Variants in MGRN1 observed in about 807,000 individuals in gnomAD.
The protein encoded by MGRN1 is E3 ubiquitin-protein ligase MGRN1.
In MGRN1, 29 loss-of-function variants were observed where a neutral mutation model predicts 69.2. The observed-to-expected ratio is 0.42, with a 90% CI of 0.31 to 0.57. The LOEUF (loss-of-function observed/expected upper bound fraction) is 0.57, where lower values mean the gene tolerates loss of function less well. Among genes scored for constraint, MGRN1 ranks in the 20% least tolerant of loss-of-function variants. The probability of loss-of-function intolerance (pLI) is 0.15; values close to 1 mark genes in which losing one functional copy is unlikely to be tolerated. For synonymous variants in MGRN1, 470 were observed against 344.2 expected, an observed-to-expected ratio of 1.37 and a Z score of -4.04; for missense variants, 998 against 796.2, an observed-to-expected ratio of 1.25 and a Z score of -3.05.
At chr16:4,658,559 C>T (rs895974759) in intron 5 of MGRN1, among the ~76,000 whole-genome samples, 4 of 151,256 alleles carry the variant, frequency 2.6e-5, no homozygotes, top group South Asian at 2.1e-4. Context: ...ACAATGTAGA[C>T]CTTGTGGGTC....
chr16:4,677,836 CTTTTTT>C (rs747139466), intron 11 of MGRN1, among the ~76,000 whole-genome samples: 113 of 111,972 alleles, frequency 1.0e-3, no homozygotes, highest in African/African-American at 3.8e-3. Context: ...GAGCCAGGTG[CTTTTTT>C]TTTTTTTTTT....
At chr16:4,639,258 GT>G (rs2078104780) in intron 1 of MGRN1, among the ~76,000 whole-genome samples, 1 of 152,192 alleles carries the variant, frequency 6.6e-6, no homozygotes, top group African/African-American at 2.4e-5. Flanking sequence ...TAAAGCAGCA[GT>G]GACACTATGA....
rs778456488 is a variant in MGRN1 at position 4,624,926 on chromosome 16, G to C, written c.-35G>C. ...CCGCCGCTGTCGCCGCTCCCGTTCCGGCCCTGGCCCCTCTGCCCGGCAGCG... is the reference window on the plus strand; with the variant it reads ...CCGCCGCTGTCGCCGCTCCCGTTCCCGCCCTGGCCCCTCTGCCCGGCAGCG... On this transcript the variant is annotated 5_prime_UTR_variant, in exon 1 of 17. Coordinates refer to ENST00000262370, the MANE Select transcript of MGRN1 (RefSeq NM_015246.4). 2.9e-5 allele frequency: 44 copies of C among 1,500,288 alleles called. No homozygotes were observed. The highest frequency in any genetic ancestry group is 3.6e-6 in the Non-Finnish European group (4 of 1,123,646). 92.9% of individuals were successfully genotyped at this position (1,500,288 alleles called of 1,614,324 possible).
Position 4,689,048 on chromosome 16 carries a change from G to C in MGRN1, c.*140G>C, listed in dbSNP as rs928373778. On this transcript the variant is annotated 3_prime_UTR_variant, in exon 17 of 17. Transcript: ENST00000262370. ...GCTCCGAGGGGCCGTGGTGACTCTT[G>C]ATCAAAGAGCACAGTGAACTGTCCC... 48 of 1,168,630 alleles carry C rather than the reference G, an allele frequency of 4.1e-5. No homozygotes were observed. Among genetic ancestry groups the C allele is most frequent in the Middle Eastern group, 5.9e-4 (2 of 3,368 alleles). The allele number at this position is 1,168,630 out of a possible 1,614,324, so 72.4% of individuals were successfully genotyped here. A position where few individuals can be genotyped will look rare whatever the true frequency, so the allele number is the denominator to read the frequency against.
chr16:4,645,197 G>C (rs1596272522), intron 1 of MGRN1, among the ~76,000 whole-genome samples: 1 of 152,166 alleles, frequency 6.6e-6, no homozygotes, highest in Admixed American at 6.5e-5. Flanking sequence ...GTCTTGCTCT[G>C]TTGCCCAGGC....
chr16:4,671,635 C>T (rs1170825400), intron 9 of MGRN1, among the ~76,000 whole-genome samples, 176 bp downstream of exon 9: 1 of 152,164 alleles, frequency 6.6e-6, no homozygotes, highest in Non-Finnish European at 1.5e-5. Flanking sequence ...AACATTTTAT[C>T]CTTTCTCCAG....
intron 16 of MGRN1, among the ~76,000 whole-genome samples, chr16:4,685,353 T>C (rs2079286499): frequency 6.6e-6 from 1 of 152,140 alleles, no homozygotes; most frequent in African/African-American, 2.4e-5. Flanking sequence ...TTGGGACAGC[T>C]ACAGAGGAGG....
rs779736879 is a variant in MGRN1, at chr16:4,683,267, A to T, written c.1526A>T (p.Gln509Leu). ...EEVDESSSPQQGTRAASIENV... is the reference protein window; with the variant it reads ...EEVDESSSPQLGTRAASIENV... ...GTTGATGAGTCGTCGTCACCACAGC[A>T]AGGTGAGCGCCTCCTTCCATGGGCA... The change falls in exon 15 of 17, where the codon CAA (glutamine) becomes CTA (leucine). Residue 509 changes from glutamine (Q) to leucine (L), a missense_variant and splice_region_variant. Transcript: ENST00000262370. The T allele has an allele frequency of 1.1e-5, 17 of 1,613,654 alleles. No homozygotes were observed. Among genetic ancestry groups the T allele is most frequent in the Non-Finnish European group, 1.4e-5 (16 of 1,179,962 alleles).
In MGRN1 at chr16:4,668,078, C is replaced by T. The variant is rs563066599; in HGVS notation, c.679-187C>T. ...ATAGTTGCACAGCCAGGCCTGAGGC[C>T]GTGTTTTCAGAAATCCCGGCTCTTT... On this transcript the variant is annotated intron_variant, in intron 7 of 16. Transcript: ENST00000262370. Among the ~76,000 whole-genome samples, 29 of 151,050 alleles carry T rather than the reference C, an allele frequency of 1.9e-4. No homozygotes were observed. In the East Asian group the frequency reaches 4.1e-3, roughly 21 times the overall value.
chr16:4,684,023 C>A, intron 16 of MGRN1, 91 bp downstream of exon 16: 1 of 1,123,926 alleles, frequency 8.9e-7, no homozygotes, highest in Non-Finnish European at 1.3e-6. Context: ...TGCATAGCAG[C>A]AGAGGCTGTC....
intron 5 of MGRN1, chr16:4,664,149 G>A (rs139246584): frequency 1.9e-5 from 3 of 159,680 alleles, no homozygotes; most frequent in Admixed American, 5.9e-5. Context: ...GCAAAGGAAC[G>A]CGTGCACAGC....
chr16:4,661,685 CA>C (rs2078684971), intron 5 of MGRN1, among the ~76,000 whole-genome samples: 1 of 152,266 alleles, frequency 6.6e-6, no homozygotes, highest in Non-Finnish European at 1.5e-5. Context: ...GCCTTCACAG[CA>C]TAGCCCCCAG....
At chr16:4,688,439 C>T in intron 16 of MGRN1, 43 of 1,068,286 alleles carry the variant, frequency 4.0e-5, no homozygotes, top group Non-Finnish European at 4.9e-5. Flanking sequence ...CCGTAAGAAC[C>T]TTGGCAGGAC....
At chr16:4,652,331 G>T (rs1435853453) in intron 3 of MGRN1, among the ~76,000 whole-genome samples, 2 of 152,086 alleles carry the variant, frequency 1.3e-5, no homozygotes, top group African/African-American at 2.4e-5. Flanking sequence ...TGCCAGGGGT[G>T]CTGCAGACTT....
At chr16:4,654,584 A>C (rs2078487938) in intron 4 of MGRN1, among the ~76,000 whole-genome samples, 1 of 152,210 alleles carries the variant, frequency 6.6e-6, no homozygotes, top group African/African-American at 2.4e-5. Flanking sequence ...ATCTGGGGAT[A>C]GGGTGTGGTT....
intron 1 of MGRN1, among the ~76,000 whole-genome samples, chr16:4,636,779 T>G (rs1229957523): frequency 6.6e-6 from 1 of 152,152 alleles, no homozygotes; most frequent in Admixed American, 6.6e-5. Context: ...TGGCCATCTG[T>G]TTCTTGTCCT....
At chr16:4,642,146 T>TTTTA (rs1555448326) in intron 1 of MGRN1, among the ~76,000 whole-genome samples, 5 of 147,702 alleles carry the variant, frequency 3.4e-5, no homozygotes, top group African/African-American at 1.2e-4. Context: ...TTTTTTTTTT[T>TTTTA]AAAAAAGACC....
chr16:4,685,338 A>C (rs1278910933), intron 16 of MGRN1, among the ~76,000 whole-genome samples: 1 of 152,176 alleles, frequency 6.6e-6, no homozygotes, highest in Non-Finnish European at 1.5e-5. Flanking sequence ...CAGGCCTGGG[A>C]AGGATTGGGA....
chr16:4,663,332 G>GGA (rs1047990881), intron 5 of MGRN1, among the ~76,000 whole-genome samples: 3 of 148,322 alleles, frequency 2.0e-5, no homozygotes, highest in African/African-American at 7.5e-5. Flanking sequence ...CAAAGTGCTG[G>GGA]GATTACAGGC....
Sources: gnomAD v4.1 joint callset for allele counts (sites outside exome capture counted in the v4.1 genomes callset) on GRCh38, gnomAD v4.1.1 for gene constraint, MANE v1.5 for transcripts, NCBI Gene and HGNC (gene_info 2026-07-23, HGNC 2026-07-21) for gene names.